The following NXPH1 variants were observed in gnomAD, a reference collection of about 807,000 sequenced individuals.
NXPH1 encodes neurexophilin-1.
A neutral mutation model predicts 23.7 loss-of-function variants in NXPH1; 5 were observed. That is an observed-to-expected ratio of 0.21 (90% CI 0.11 to 0.44). The LOEUF is 0.44. Among genes scored for constraint, NXPH1 ranks in the 20% least tolerant of loss-of-function variants. The pLI is 0.99. For missense variants in NXPH1, 324 were observed against 321.6 expected (o/e 1.01, Z -0.06); for synonymous variants, 144 against 122.2 (o/e 1.18, Z -1.18).
chr7:8,441,179 C>G (rs1584156261), intron 2 of NXPH1, among the ~76,000 whole-genome samples: 1 of 152,190 alleles, frequency 6.6e-6, no homozygotes, highest in South Asian at 2.1e-4. Context: ...GGCAGGCGAG[C>G]CTGCCAGCCG....
chr7:8,730,142 A>T (rs888053316), intron 2 of NXPH1, among the ~76,000 whole-genome samples: 4 of 149,182 alleles, frequency 2.7e-5, no homozygotes, highest in African/African-American at 9.8e-5. Context: ...AGTCTGTTTT[A>T]TCAGAGACTA....
chr7:8,587,989 A>G (rs778919499), intron 2 of NXPH1, among the ~76,000 whole-genome samples: 2 of 152,192 alleles, frequency 1.3e-5, no homozygotes, highest in South Asian at 2.1e-4. Context: ...CAACAAATGT[A>G]TGAAAAAAAG....
At chr7:8,703,068 C>G (rs1051735705) in intron 2 of NXPH1, among the ~76,000 whole-genome samples, 1 of 152,190 alleles carries the variant, frequency 6.6e-6, no homozygotes, top group Admixed American at 6.5e-5. Flanking sequence ...TTACCTCTCC[C>G]TTTTTGCTGC....
chr7:8,454,664 G>T (rs1314785422), intron 2 of NXPH1, among the ~76,000 whole-genome samples: 2 of 152,066 alleles, frequency 1.3e-5, no homozygotes, highest in Non-Finnish European at 2.9e-5. Flanking sequence ...AGTGCAAAAA[G>T]CCTCTTTAAA....
chr7:8,706,379 C>T (rs576827282), intron 2 of NXPH1, among the ~76,000 whole-genome samples: 18 of 152,310 alleles, frequency 1.2e-4, no homozygotes, highest in African/African-American at 4.3e-4. Flanking sequence ...TACATATAAT[C>T]CTTCTGCATT....
intron 2 of NXPH1, among the ~76,000 whole-genome samples, chr7:8,496,612 A>G (rs138628545): frequency 4.9e-4 from 74 of 152,176 alleles, no homozygotes; most frequent in African/African-American, 1.7e-3. Context: ...GACAGGCTAC[A>G]GTAGCATCGC....
intron 2 of NXPH1, among the ~76,000 whole-genome samples, chr7:8,500,198 G>A: frequency 6.6e-6 from 1 of 151,998 alleles, no homozygotes; most frequent in Admixed American, 6.6e-5. Flanking sequence ...TGTCTGGCAT[G>A]GACTTAATTA....
At chr7:8,654,400 G>A (rs1261838606) in intron 2 of NXPH1, among the ~76,000 whole-genome samples, 2 of 152,108 alleles carry the variant, frequency 1.3e-5, no homozygotes, top group African/African-American at 4.8e-5. Context: ...AGGCCACAAA[G>A]CAAATATGAT....
chr7:8,650,235 C>T (rs1290322425), intron 2 of NXPH1, among the ~76,000 whole-genome samples: 2 of 152,028 alleles, frequency 1.3e-5, no homozygotes. Flanking sequence ...TCCAAGTCTG[C>T]CTTTATTTTT....
chr7:8,595,353 A>T (rs1198285239), intron 2 of NXPH1, among the ~76,000 whole-genome samples: 2 of 152,066 alleles, frequency 1.3e-5, no homozygotes, highest in African/African-American at 4.8e-5. Context: ...ATATCATTGG[A>T]TGTAGAAATA....
In NXPH1 at chr7:8,442,666, C is replaced by G. The variant is rs1439155413; in HGVS notation, c.54+6899C>G. ...GCTGACCAAAGCCGCAGTGTTCAGG[C>G]CCCGGGGTTTCCCAGCCGTAGTGGC... On this transcript the variant is annotated intron_variant, in intron 2 of 2. Coordinates refer to ENST00000405863, the MANE Select transcript of NXPH1 (RefSeq NM_152745.3). This position sits in a 1 kb window ranked among gnomAD's most constrained non-coding sequence, Gnocchi z 4.6. Among the ~76,000 whole-genome samples the G allele has an allele frequency of 4.6e-5, 7 of 152,254 alleles. No individual in the cohort carries two copies. Among genetic ancestry groups the G allele is most frequent in the Non-Finnish European group, 7.3e-5 (5 of 68,046 alleles).
At chr7:8,631,138 T>C (rs954139973) in intron 2 of NXPH1, among the ~76,000 whole-genome samples, 4 of 152,246 alleles carry the variant, frequency 2.6e-5, no homozygotes, top group Non-Finnish European at 4.4e-5. Flanking sequence ...TAGTATTCTA[T>C]GGTTTATATG....
At chr7:8,653,519 T>C (rs1820522885) in intron 2 of NXPH1, among the ~76,000 whole-genome samples, 1 of 152,220 alleles carries the variant, frequency 6.6e-6, no homozygotes, top group African/African-American at 2.4e-5. Flanking sequence ...CTTTTGTATA[T>C]ATGTAATCAT....
Position 8,662,931 on chromosome 7 carries a change from A to G in NXPH1, c.55-88077A>G, listed in dbSNP as rs551732073. The stretch of plus-strand genomic sequence containing the variant: ...ACAAGTGAGGACATTTCTGTATAAG[A>G]TTATCTTATCCATGTTTTTATCTTT... On this transcript the variant is annotated intron_variant, in intron 2 of 2. Coordinates refer to ENST00000405863, the MANE Select transcript of NXPH1 (RefSeq NM_152745.3). 3.2e-4 allele frequency among the ~76,000 whole-genome samples: 48 copies of G among 151,342 alleles called. No homozygotes were observed. The South Asian group carries it at 9.3e-3, about 29-fold the overall frequency.
chr7:8,736,545 TC>T (rs1780259892), intron 2 of NXPH1, among the ~76,000 whole-genome samples: 1 of 152,132 alleles, frequency 6.6e-6, no homozygotes. Context: ...AGTTTTACTT[TC>T]AATTATGTAG....
intron 2 of NXPH1, among the ~76,000 whole-genome samples, chr7:8,649,249 G>A (rs10440984): frequency 0.71 from 107,963 of 151,954 alleles, 39,050 homozygotes; most frequent in East Asian, 1. Flanking sequence ...ACATATTTCA[G>A]TATAATTTTG....
intron 2 of NXPH1, among the ~76,000 whole-genome samples, chr7:8,525,924 A>G (rs1817854282): frequency 6.6e-6 from 1 of 152,228 alleles, no homozygotes; most frequent in Non-Finnish European, 1.5e-5. Context: ...TGGAGCCCCC[A>G]CACAGAGTCC....
At chr7:8,521,050 T>A (rs1456742848) in intron 2 of NXPH1, among the ~76,000 whole-genome samples, 3 of 152,186 alleles carry the variant, frequency 2.0e-5, no homozygotes, top group Non-Finnish European at 4.4e-5. Context: ...GATCAGATGA[T>A]GTTTTCTCTG....
intron 2 of NXPH1, among the ~76,000 whole-genome samples, chr7:8,705,575 G>T (rs1779689986): frequency 6.6e-6 from 1 of 152,130 alleles, no homozygotes; most frequent in Non-Finnish European, 1.5e-5. Flanking sequence ...GTATCTTAAA[G>T]AATTACTGTG....
Sources: gnomAD v4.1 joint callset for allele counts (sites outside exome capture counted in the v4.1 genomes callset) on GRCh38, gnomAD v4.1.1 for gene constraint, Gnocchi (gnomAD v3.1) non-coding constraint, MANE v1.5 for transcripts, NCBI Gene and HGNC (gene_info 2026-07-23, HGNC 2026-07-21) for gene names.